CNTNAP2: variants seen among roughly 807,000 people sequenced by gnomAD.
CNTNAP2 encodes contactin-associated protein-like 2.
CNTNAP2 carries 98 observed loss-of-function variants against 155.2 expected under a neutral mutation model. The ratio of observed to expected loss-of-function variants is 0.63; its 90% confidence interval spans 0.54 to 0.75. The LOEUF (loss-of-function observed/expected upper bound fraction) is 0.75. Ranked by LOEUF, CNTNAP2 falls within the 30% of genes least tolerant of loss-of-function variation. The probability of loss-of-function intolerance (pLI) is 0.00; values close to 1 mark genes in which losing one functional copy is unlikely to be tolerated. For missense variants in CNTNAP2, 1,727 were observed against 1,688.1 expected, an observed-to-expected ratio of 1.02 and a Z score of -0.40; for synonymous variants, 651 against 631.2, an observed-to-expected ratio of 1.03 and a Z score of -0.47.
intron 13 of CNTNAP2, among the ~76,000 whole-genome samples, chr7:147,779,020 A>G (rs1399061388): frequency 6.6e-6 from 1 of 152,222 alleles, no homozygotes; most frequent in Non-Finnish European, 1.5e-5. Flanking sequence ...AGCTAAAAAT[A>G]AGGCTAGCAT....
At chr7:146,613,019 T>C (rs1470192322) in intron 1 of CNTNAP2, among the ~76,000 whole-genome samples, 2 of 151,860 alleles carry the variant, frequency 1.3e-5, no homozygotes, top group Non-Finnish European at 2.9e-5. Flanking sequence ...TACCAATTGC[T>C]CTCAATATGA....
At chr7:147,402,106 A>C (rs535481412) in intron 10 of CNTNAP2, among the ~76,000 whole-genome samples, 2 of 152,310 alleles carry the variant, frequency 1.3e-5, no homozygotes, top group East Asian at 3.9e-4. Context: ...GAACACATAC[A>C]TTTTGGTACT....
intron 9 of CNTNAP2, among the ~76,000 whole-genome samples, chr7:147,352,158 A>G (rs1379241762): frequency 2.0e-5 from 3 of 152,008 alleles, no homozygotes; most frequent in African/African-American, 4.8e-5. Context: ...ACTCAAGGAA[A>G]TAAAAATATT....
At chr7:147,443,139 C>G (rs546561162) in intron 10 of CNTNAP2, among the ~76,000 whole-genome samples, 1 of 152,048 alleles carries the variant, frequency 6.6e-6, no homozygotes, top group Admixed American at 6.6e-5. Context: ...TATTTAGGGC[C>G]GGGCCTCAGG....
chr7:148,242,602 G>A (rs1269042522), intron 20 of CNTNAP2, among the ~76,000 whole-genome samples: 2 of 152,246 alleles, frequency 1.3e-5, no homozygotes, highest in African/African-American at 4.8e-5. Flanking sequence ...CGGATACCGC[G>A]ATGGCGGTAG....
chr7:147,548,652 T>G (rs1799789567), intron 11 of CNTNAP2, among the ~76,000 whole-genome samples: 2 of 152,234 alleles, frequency 1.3e-5, no homozygotes, highest in African/African-American at 4.8e-5. Context: ...TGCAATTGCT[T>G]TTGACATTTT....
chr7:147,353,733 C>A (rs867474762), intron 9 of CNTNAP2, among the ~76,000 whole-genome samples: 1 of 152,116 alleles, frequency 6.6e-6, no homozygotes, highest in African/African-American at 2.4e-5. Context: ...CCGTCTTCCA[C>A]AATGGTTGAA....
At chr7:148,414,646 C>T (rs1799935809) in intron 23 of CNTNAP2, 2 of 152,126 alleles carry the variant, frequency 1.3e-5, no homozygotes, top group Non-Finnish European at 2.9e-5. Flanking sequence ...TTTTTTTTCT[C>T]TGAATTATTT....
chr7:147,654,409 C>A (rs1373335715), intron 13 of CNTNAP2, among the ~76,000 whole-genome samples: 1 of 152,182 alleles, frequency 6.6e-6, no homozygotes, highest in African/African-American at 2.4e-5. Flanking sequence ...CTCCTTCTAT[C>A]CCTGAGCAAT....
At chr7:148,063,465 C>T (rs1301109144) in intron 15 of CNTNAP2, among the ~76,000 whole-genome samples, 1 of 151,532 alleles carries the variant, frequency 6.6e-6, no homozygotes, top group Non-Finnish European at 1.5e-5. Context: ...TTTCTAGTAG[C>T]TTTTTTTTCC....
chr7:147,241,315 T>C (rs1176288203), intron 8 of CNTNAP2, among the ~76,000 whole-genome samples: 1 of 152,222 alleles, frequency 6.6e-6, no homozygotes, highest in East Asian at 1.9e-4. Context: ...CAAGCTCTAA[T>C]TGTTTCTCCT....
At position 147,949,440 on chromosome 7, in the gene CNTNAP2, G is replaced by GTGTATATATATATATATA. The variant is rs374972144; in HGVS notation, c.2256-28421_2256-28420insGTATATATATATATATAT. Among the ~76,000 whole-genome samples the GTGTATATATATATATATA allele has an allele frequency of 9.6e-3, 1,226 of 127,188 alleles. 15 individuals are homozygous for GTGTATATATATATATATA. Among genetic ancestry groups the GTGTATATATATATATATA allele is most frequent in the Non-Finnish European group, 0.016 (897 of 57,834 alleles). The allele number at this position is 127,188 out of a possible 152,430, so 83.4% of individuals were successfully genotyped here. On this transcript the variant is annotated intron_variant, in intron 14 of 23. Coordinates refer to ENST00000361727, the MANE Select transcript of CNTNAP2 (RefSeq NM_014141.6). ...TGTGTTGTTCAAGGATCAACTGTGT[G>GTGTATATATATATATATA]TATATATATATATATATATTTTTTT...
chr7:146,915,316 A>C (rs146684206), intron 3 of CNTNAP2, among the ~76,000 whole-genome samples: 40 of 152,142 alleles, frequency 2.6e-4, no homozygotes, highest in African/African-American at 8.4e-4. Context: ...ATGCCATATA[A>C]ATTTTAGAAC....
At chr7:146,444,876 C>G (rs553173667) in intron 1 of CNTNAP2, among the ~76,000 whole-genome samples, 3 of 151,778 alleles carry the variant, frequency 2.0e-5, no homozygotes, top group Non-Finnish European at 4.4e-5. Context: ...AGGCTGGTCT[C>G]GAACTCCTGG....
rs1007281767 is a variant in CNTNAP2 at position 146,382,262 on chromosome 7, G to A, written c.97+265289G>A. 2.0e-5 allele frequency among the ~76,000 whole-genome samples: 3 copies of A among 152,216 alleles called. No individual in the cohort carries two copies. The East Asian group carries it at 5.8e-4, about 29-fold the overall frequency. ...TTTGCATCTTAACATTGCAGAAGCA[G>A]GTGCAATCGAACAGAAAAACAAGAA... is the stretch of plus-strand genomic sequence containing the variant. On this transcript the variant is annotated intron_variant, in intron 1 of 23. Coordinates refer to ENST00000361727, the MANE Select transcript of CNTNAP2 (RefSeq NM_014141.6).
At chr7:146,555,427 T>C (rs896284924) in intron 1 of CNTNAP2, among the ~76,000 whole-genome samples, 22 of 152,296 alleles carry the variant, frequency 1.4e-4, no homozygotes, top group African/African-American at 4.8e-4. Flanking sequence ...GAATTATATA[T>C]CTAATCTTCT....
At chr7:147,215,518 A>T (rs1254873826) in intron 8 of CNTNAP2, among the ~76,000 whole-genome samples, 1 of 151,846 alleles carries the variant, frequency 6.6e-6, no homozygotes, top group Non-Finnish European at 1.5e-5. Context: ...TTTTCATGGC[A>T]TTTTTTTCAG....
At chr7:146,583,885 T>A (rs1798648937) in intron 1 of CNTNAP2, among the ~76,000 whole-genome samples, 1 of 152,188 alleles carries the variant, frequency 6.6e-6, no homozygotes, top group African/African-American at 2.4e-5. Flanking sequence ...ACTCTCCTTG[T>A]ACTAGAGCTG....
At chr7:148,059,093 C>A (rs1803080646) in intron 15 of CNTNAP2, among the ~76,000 whole-genome samples, 1 of 151,462 alleles carries the variant, frequency 6.6e-6, no homozygotes, top group Non-Finnish European at 1.5e-5. Context: ...CCAACCTGGC[C>A]AATGTGATGA....
Sources: gnomAD v4.1 joint callset for allele counts (sites outside exome capture counted in the v4.1 genomes callset) on GRCh38, gnomAD v4.1.1 for gene constraint, MANE v1.5 for transcripts, NCBI Gene and HGNC (gene_info 2026-07-23, HGNC 2026-07-21) for gene names.